RORA: variants seen among roughly 807,000 people sequenced by gnomAD.
The protein encoded by RORA is nuclear receptor ROR-alpha.
RORA carries 7 observed loss-of-function variants against 69.5 expected under a neutral mutation model. That is an observed-to-expected ratio of 0.10 (90% CI 0.06 to 0.19). The LOEUF is 0.19. Among genes scored for constraint, RORA ranks in the 10% least tolerant of loss-of-function variants. RORA has a pLI of 1.00. For synonymous variants in RORA, 261 were observed against 240.8 expected, an observed-to-expected ratio of 1.08 and a Z score of -0.78; for missense variants, 457 against 663.0, an observed-to-expected ratio of 0.69 and a Z score of 3.41.
chr15:60,922,612 T>C (rs953353573), intron 1 of RORA, among the ~76,000 whole-genome samples: 3 of 152,260 alleles, frequency 2.0e-5, no homozygotes, highest in African/African-American at 7.2e-5. Context: ...AAACAAGGTA[T>C]ACTTAGTATG....
At chr15:61,150,313 G>A (rs566265651) in intron 1 of RORA, among the ~76,000 whole-genome samples, 1 of 152,100 alleles carries the variant, frequency 6.6e-6, no homozygotes, top group Non-Finnish European at 1.5e-5. Flanking sequence ...TACATCAATT[G>A]CCATTCTTTA....
At chr15:61,070,860 A>G (rs1026458572) in intron 1 of RORA, among the ~76,000 whole-genome samples, 2 of 152,140 alleles carry the variant, frequency 1.3e-5, no homozygotes, top group Admixed American at 6.5e-5. Context: ...AGGGGAGCCC[A>G]AAAGCATGCA....
In RORA at chr15:60,502,859, C is replaced by G; in HGVS notation, c.1084G>C (p.Glu362Gln). 6.2e-7 allele frequency: 1 copy of G among 1,610,636 alleles called. No individual in the cohort carries two copies. ...CGGCACATTCTGATAAACACCACCT[C>G]TAGAGAACCTAAGCAGAGGCAGAAA... is the stretch of plus-strand genomic sequence containing the variant. ...QIVLLKAGSL[E>Q]VVFIRMCRAF... The change falls in exon 8 of 11, where the codon GAG becomes CAG. Residue 362 changes from glutamate (E) to glutamine (Q), a missense_variant. Transcript: ENST00000335670.
At chr15:61,193,978 C>T (rs2079824340) in intron 1 of RORA, 2 of 152,176 alleles carry the variant, frequency 1.3e-5, no homozygotes, top group African/African-American at 2.4e-5. Flanking sequence ...TCCTATAGCC[C>T]TGGGGAGTAT....
At chr15:60,688,494 AAT>A (rs971182618) in intron 1 of RORA, among the ~76,000 whole-genome samples, 8 of 152,318 alleles carry the variant, frequency 5.3e-5, no homozygotes, top group Non-Finnish European at 1.0e-4. Flanking sequence ...ATGTTGACCT[AAT>A]ATTAGTTTTT....
intron 3 of RORA, among the ~76,000 whole-genome samples, chr15:60,515,989 ATT>A (rs2065877661): frequency 1.5e-4 from 1 of 6,686 alleles, no homozygotes; most frequent in South Asian, 7.4e-3. Context: ...ATTTATATAT[ATT>A]TATATATATT....
chr15:61,118,774 T>C (rs1158886724), intron 1 of RORA, among the ~76,000 whole-genome samples: 1 of 151,900 alleles, frequency 6.6e-6, no homozygotes, highest in African/African-American at 2.4e-5. Context: ...TTTTCCTTCA[T>C]AAAAACAAGT....
intron 1 of RORA, among the ~76,000 whole-genome samples, chr15:60,890,435 C>A (rs1185793620): frequency 6.6e-6 from 1 of 152,238 alleles, no homozygotes; most frequent in African/African-American, 2.4e-5. Context: ...CGCTTGTCCA[C>A]ACCATCTCCG....
intron 1 of RORA, among the ~76,000 whole-genome samples, chr15:60,909,089 C>T (rs940336431): frequency 2.6e-5 from 4 of 152,150 alleles, no homozygotes; most frequent in African/African-American, 9.7e-5. Context: ...GCCACCTGAA[C>T]CCTGGACAGC....
At chr15:60,823,272 C>T (rs373203575) in intron 1 of RORA, among the ~76,000 whole-genome samples, 2 of 152,116 alleles carry the variant, frequency 1.3e-5, no homozygotes, top group African/African-American at 4.8e-5. Flanking sequence ...TCACTGCAAT[C>T]TCAAACTCCT....
intron 1 of RORA, among the ~76,000 whole-genome samples, chr15:60,912,001 C>A (rs1891738380): frequency 6.6e-6 from 1 of 152,044 alleles, no homozygotes; most frequent in African/African-American, 2.4e-5. Context: ...TTAGCCACCA[C>A]AACCTGCCCA....
intron 2 of RORA, among the ~76,000 whole-genome samples, chr15:60,664,466 A>G (rs962694062): frequency 6.6e-6 from 1 of 152,230 alleles, no homozygotes; most frequent in African/African-American, 2.4e-5. Flanking sequence ...AGGAGGCTAT[A>G]AGAGATGGCC....
intron 1 of RORA, among the ~76,000 whole-genome samples, chr15:60,849,792 A>C (rs775416756): frequency 1.3e-5 from 2 of 152,148 alleles, no homozygotes; most frequent in Non-Finnish European, 2.9e-5. Context: ...GGTTTTGTTG[A>C]GGAGGTGGGA....
chr15:60,614,376 G>A (rs761528651), intron 2 of RORA, among the ~76,000 whole-genome samples: 21 of 152,056 alleles, frequency 1.4e-4, no homozygotes, highest in Non-Finnish European at 2.8e-4. Context: ...ACCCTAAATC[G>A]AAATAAAAAA....
At chr15:60,543,222 GGA>G (rs2066957240) in intron 2 of RORA, among the ~76,000 whole-genome samples, 1 of 115,356 alleles carries the variant, frequency 8.7e-6, no homozygotes, top group Admixed American at 9.9e-5. Flanking sequence ...TAAGGAAAAA[GGA>G]GAGAGTTGAT....
intron 2 of RORA, among the ~76,000 whole-genome samples, chr15:60,584,249 A>C (rs1297277614): frequency 1.3e-5 from 2 of 152,242 alleles, no homozygotes; most frequent in Admixed American, 6.5e-5. Context: ...CCGCCTTCTT[A>C]AGACTCTCTG....
chr15:61,175,757 A>G (rs1383255738), intron 1 of RORA, among the ~76,000 whole-genome samples: 1 of 152,118 alleles, frequency 6.6e-6, no homozygotes, highest in Non-Finnish European at 1.5e-5. Flanking sequence ...GAGGCTCACC[A>G]AAGTTATGTG....
chr15:60,884,772 C>A (rs1050779656), intron 1 of RORA, among the ~76,000 whole-genome samples: 2 of 152,146 alleles, frequency 1.3e-5, no homozygotes, highest in Admixed American at 1.3e-4. Flanking sequence ...TATGTCTTTA[C>A]CAAGAGAAAA....
intron 1 of RORA, among the ~76,000 whole-genome samples, chr15:61,185,626 A>C (rs2079733933): frequency 6.6e-6 from 1 of 152,188 alleles, no homozygotes; most frequent in Admixed American, 6.5e-5. Context: ...TCCCACATTC[A>C]AGTGAAAATC....
Sources: gnomAD v4.1 joint callset for allele counts (sites outside exome capture counted in the v4.1 genomes callset) on GRCh38, gnomAD v4.1.1 for gene constraint, MANE v1.5 for transcripts, NCBI Gene and HGNC (gene_info 2026-07-23, HGNC 2026-07-21) for gene names.